MRM1: variants seen among roughly 807,000 people sequenced by gnomAD.
MRM1 encodes the protein mitochondrial rRNA methyltransferase 1.
Under a neutral mutation model 25.0 loss-of-function variants are expected in MRM1, and 24 were observed. The observed-to-expected ratio is 0.96, with a 90% CI of 0.69 to 1.35. The LOEUF (loss-of-function observed/expected upper bound fraction) is 1.35. MRM1 is among the 40% of genes most tolerant of loss of function. The pLI, the probability that MRM1 is intolerant of heterozygous loss-of-function variation, is 0.00. For synonymous variants in MRM1, 188 were observed against 199.2 expected, an observed-to-expected ratio of 0.94 and a Z score of 0.47; for missense variants, 431 against 464.1, an observed-to-expected ratio of 0.93 and a Z score of 0.65.
At chr17:36,623,270 T>C in the MRM1 span, among the ~76,000 whole-genome samples, 4 of 152,326 alleles carry the variant, frequency 2.6e-5, no homozygotes, top group Admixed American at 6.5e-5. Flanking sequence ...GTGTTAATTA[T>C]GGAAATCTAA....
In MRM1 at chr17:36,602,469, C is replaced by G; in HGVS notation, c.543-84C>G. 3 of 1,602,328 alleles carry G rather than the reference C, an allele frequency of 1.9e-6. No homozygotes were observed. The highest frequency in any genetic ancestry group is 1.7e-4 in the Middle Eastern group (1 of 6,006). ...CTTACCTGTCCCAGAACTCTCATCC[C>G]CCTAGCCCTTGGGAGCCCTGGGAGG... On this transcript the variant is annotated intron_variant, in intron 1 of 4. Transcript: ENST00000614766. The surrounding 1 kb of genome is among the most constrained non-coding windows in gnomAD (Gnocchi z 4.1).
the MRM1 span, among the ~76,000 whole-genome samples, chr17:36,629,242 C>T: frequency 3.5e-4 from 53 of 152,212 alleles, no homozygotes; most frequent in Admixed American, 9.2e-4. Context: ...TACATTCTCA[C>T]ACTGCAAGGG....
chr17:36,606,092 T>G (rs1219486637), intron 2 of MRM1, among the ~76,000 whole-genome samples: 3 of 152,230 alleles, frequency 2.0e-5, no homozygotes, highest in African/African-American at 7.2e-5. Context: ...CACCTTACTG[T>G]TCTCAAACAT....
chr17:36,628,720 T>G, the MRM1 span, among the ~76,000 whole-genome samples: 1 of 152,194 alleles, frequency 6.6e-6, no homozygotes, highest in East Asian at 1.9e-4. Context: ...GCTGACACTT[T>G]GCTGAGTGCT....
At position 36,601,636 on chromosome 17, in the gene MRM1, C is replaced by T; in HGVS notation, c.-175C>T. 1.6e-6 allele frequency: 1 copy of T among 644,250 alleles called. No homozygotes were observed. 39.9% of individuals were successfully genotyped at this position (644,250 alleles called of 1,614,324 possible). A position where few individuals can be genotyped will look rare whatever the true frequency, so the allele number is the denominator to read the frequency against. The stretch of plus-strand genomic sequence containing the variant: ...AGCCTGGGAGCGGGTGGTCGTAGCT[C>T]GGTAGTCCAGTTGTGGGTAATCGGG... On this transcript the variant is annotated 5_prime_UTR_variant, in exon 1 of 5. Coordinates refer to ENST00000614766, the MANE Select transcript of MRM1 (RefSeq NM_024864.5).
At chr17:36,613,448 ACTCCCTCCT>A, downstream of MRM1, among the ~76,000 whole-genome samples, 1 of 151,838 alleles carries the variant, frequency 6.6e-6, no homozygotes. Context: ...CCGCTCAGCC[ACTCCCTCCT>A]GGGGTTTTGA....
chr17:36,625,062 A>G, the MRM1 span, among the ~76,000 whole-genome samples: 2 of 152,198 alleles, frequency 1.3e-5, no homozygotes, highest in South Asian at 4.1e-4. Context: ...GGTAAGAAAA[A>G]GGCTTTGTAA....
Position 36,607,803 on chromosome 17 carries a change from G to A in MRM1, c.769+1G>A, listed in dbSNP as rs2074944280. ...GAACGGCCTACTCTCCTTGTGCTGGGTAGGTGGATGTCCCTGCGTTTGTGC... is the reference window on the plus strand; with the variant it reads ...GAACGGCCTACTCTCCTTGTGCTGGATAGGTGGATGTCCCTGCGTTTGTGC... On this transcript the variant is annotated splice_donor_variant, in intron 3 of 4. Transcript: ENST00000614766. LOFTEE classifies it high-confidence loss of function. 3.1e-6 allele frequency: 5 copies of A among 1,613,954 alleles called. No homozygotes were observed. Among genetic ancestry groups the A allele is most frequent in the Non-Finnish European group, 4.2e-6 (5 of 1,179,934 alleles).
the MRM1 span, among the ~76,000 whole-genome samples, chr17:36,624,351 C>G: frequency 6.6e-6 from 1 of 152,190 alleles, no homozygotes; most frequent in Non-Finnish European, 1.5e-5. The surrounding 1 kb of genome is among the most constrained non-coding windows in gnomAD (Gnocchi z 4.0). Flanking sequence ...CCTGGGGTCC[C>G]CCAAGGCAGC....
At chr17:36,628,295 A>C in the MRM1 span, among the ~76,000 whole-genome samples, 1 of 152,230 alleles carries the variant, frequency 6.6e-6, no homozygotes, top group African/African-American at 2.4e-5. Flanking sequence ...GCCAAAATGT[A>C]TGTTTTGGCA....
At position 36,601,750 on chromosome 17, in the gene MRM1, C is replaced by A; in HGVS notation, c.-61C>A. Reference sequence around the variant, plus strand: ...TTGGGAGCCTGGGAGCGAACTGCGGCGCGGGTTACCGCTCCCGGGGACGCA... The same window carrying A: ...TTGGGAGCCTGGGAGCGAACTGCGGAGCGGGTTACCGCTCCCGGGGACGCA... On this transcript the variant is annotated 5_prime_UTR_variant, in exon 1 of 5. Coordinates refer to ENST00000614766, the MANE Select transcript of MRM1 (RefSeq NM_024864.5). 6.7e-7 allele frequency: 1 copy of A among 1,485,112 alleles called. No individual in the cohort carries two copies. The highest frequency in any genetic ancestry group is 8.9e-7 in the Non-Finnish European group (1 of 1,119,598). The allele number at this position is 1,485,112 out of a possible 1,614,324, so 92.0% of individuals were successfully genotyped here.
the MRM1 span, among the ~76,000 whole-genome samples, chr17:36,630,290 A>G: frequency 6.6e-6 from 1 of 152,120 alleles, no homozygotes; most frequent in Non-Finnish European, 1.5e-5. Context: ...CAGTGTTCCA[A>G]AAGGGGCCTC....
Position 36,602,720 on chromosome 17 carries a change from T to TTTCTCTCCCTCGCCAGG in MRM1, c.636+74_636+75insTTCTCTCCCTCGCCAGG. The TTTCTCTCCCTCGCCAGG allele has an allele frequency of 1.3e-6, 2 of 1,553,252 alleles. No homozygotes were observed. Among genetic ancestry groups the TTTCTCTCCCTCGCCAGG allele is most frequent in the Non-Finnish European group, 1.8e-6 (2 of 1,126,800 alleles). On this transcript the variant is annotated intron_variant, in intron 2 of 4. Transcript: ENST00000614766. This position sits in a 1 kb window ranked among gnomAD's most constrained non-coding sequence, Gnocchi z 4.1. ...TCTTCAAGGGGACGAAGCTAGCCCCTGGCGAGGGAGAGAAAGGGGCATGTT... is the reference window on the plus strand; with the variant it reads ...TCTTCAAGGGGACGAAGCTAGCCCCTTTCTCTCCCTCGCCAGGGGCGAGGGAGAGAAAGGGGCATGTT...
rs552380867 is a variant in MRM1 at position 36,606,536 on chromosome 17, G to A, written c.637-1134G>A. Among the ~76,000 whole-genome samples, 9 of 151,582 alleles carry A rather than the reference G, an allele frequency of 5.9e-5. No individual in the cohort carries two copies. In the East Asian group the frequency reaches 1.6e-3, roughly 26 times the overall value. On this transcript the variant is annotated intron_variant, in intron 2 of 4. Transcript: ENST00000614766. ...CTCAAGAGATCCTCGTGTCTCCTGA[G>A]TAGCTGGGATTACAGGCTGATTTTT... is the stretch of plus-strand genomic sequence containing the variant.
In MRM1 at chr17:36,607,938, C is replaced by T. The variant is rs748899885; in HGVS notation, c.809C>T (p.Ser270Phe). 1.2e-5 allele frequency: 20 copies of T among 1,614,052 alleles called. No individual in the cohort carries two copies. Among genetic ancestry groups the T allele is most frequent in the Non-Finnish European group, 1.6e-5 (19 of 1,180,042 alleles). Residue 270 changes from serine to phenylalanine, a missense_variant, in exon 4 of 5, where the codon TCC (serine) becomes TTC (phenylalanine). Ser to Phe is a radical substitution (Grantham distance 155, BLOSUM62 -2). Transcript: ENST00000614766. ...GGTCTATCCCAGGAGGTGCAGGCCT[C>T]CTGCCAGCTTCTCCTCACCATCCTG... ...GSGLSQEVQA[S>F]CQLLLTILPR...
At chr17:36,604,186 C>G (rs1233027859) in intron 2 of MRM1, among the ~76,000 whole-genome samples, 1 of 152,200 alleles carries the variant, frequency 6.6e-6, no homozygotes, top group Non-Finnish European at 1.5e-5. Flanking sequence ...CTTCAGCATG[C>G]AAGCAAACAT....
downstream of MRM1, among the ~76,000 whole-genome samples, chr17:36,611,483 C>T (rs1256474095): frequency 6.6e-6 from 1 of 152,126 alleles, no homozygotes; most frequent in Non-Finnish European, 1.5e-5. Flanking sequence ...GACTAGCGCA[C>T]AATAATACAG....
At chr17:36,620,355 G>A in the MRM1 span, among the ~76,000 whole-genome samples, 2 of 152,170 alleles carry the variant, frequency 1.3e-5, no homozygotes, top group African/African-American at 2.4e-5. Context: ...GAATGATGAC[G>A]TGTTTAGCCA....
At chr17:36,614,105 T>A in the MRM1 span, among the ~76,000 whole-genome samples, 9 of 151,734 alleles carry the variant, frequency 5.9e-5, no homozygotes, top group African/African-American at 1.7e-4. Flanking sequence ...ACGATGATGA[T>A]GAAAAGAGGC....
Sources: gnomAD v4.1 joint callset for allele counts (sites outside exome capture counted in the v4.1 genomes callset) on GRCh38, gnomAD v4.1.1 for gene constraint, Gnocchi (gnomAD v3.1) non-coding constraint, MANE v1.5 for transcripts, NCBI Gene and HGNC (gene_info 2026-07-23, HGNC 2026-07-21) for gene names.